Variants in PAPPA2 observed in about 807,000 individuals in gnomAD.
The protein encoded by PAPPA2 is pappalysin 2, also known as pappalysin-2.
In PAPPA2, 86 loss-of-function variants were observed where a neutral mutation model predicts 176.4. The ratio of observed to expected loss-of-function variants is 0.49; its 90% CI spans 0.41 to 0.58. The LOEUF is 0.58. Among genes scored for constraint, PAPPA2 ranks in the 20% least tolerant of loss-of-function variants. The pLI is 0.00. For missense variants in PAPPA2, 2,073 were observed against 2,256.9 expected, an observed-to-expected ratio of 0.92 and a Z score of 1.65; for synonymous variants, 809 against 852.2, an observed-to-expected ratio of 0.95 and a Z score of 0.88.
At chr1:176,803,646 T>C (rs1210374298) in intron 21 of PAPPA2, among the ~76,000 whole-genome samples, 1 of 152,208 alleles carries the variant, frequency 6.6e-6, no homozygotes, top group African/African-American at 2.4e-5. Context: ...ATCTGGACTT[T>C]TGCAGTGATT....
At chr1:176,504,554 G>C (rs1190379606) in intron 1 of PAPPA2, among the ~76,000 whole-genome samples, 1 of 152,188 alleles carries the variant, frequency 6.6e-6, no homozygotes, top group Admixed American at 6.5e-5. Flanking sequence ...ACTGTGTTCA[G>C]GATGGAGTCC....
chr1:176,552,803 C>A (rs1156563217), intron 1 of PAPPA2, among the ~76,000 whole-genome samples: 1 of 152,108 alleles, frequency 6.6e-6, no homozygotes, highest in East Asian at 1.9e-4. Context: ...CAACCCTGCT[C>A]AGTCTGATCG....
chr1:176,740,546 G>A lies in PAPPA2; in HGVS notation c.4151+350G>A, dbSNP rs745915387. Reference sequence around the variant, plus strand: ...AAAAACTCAATGTTCCTTAAGCAATGTATATTTTTCCACTTCTTTCCACCT... The same window carrying A: ...AAAAACTCAATGTTCCTTAAGCAATATATATTTTTCCACTTCTTTCCACCT... On this transcript the variant is annotated intron_variant, in intron 14 of 22. Coordinates refer to ENST00000367662, the MANE Select transcript of PAPPA2 (RefSeq NM_020318.3). Among the ~76,000 whole-genome samples the A allele has an allele frequency of 6.1e-4, 93 of 152,138 alleles. 1 individual carries two copies. The highest frequency in any genetic ancestry group is 2.5e-4 in the Non-Finnish European group (17 of 68,028).
intron 17 of PAPPA2, among the ~76,000 whole-genome samples, chr1:176,780,980 G>A (rs1664686806): frequency 6.6e-6 from 1 of 152,134 alleles, no homozygotes; most frequent in African/African-American, 2.4e-5. Flanking sequence ...ACCTCATGTT[G>A]TTTTTAGTTT....
At chr1:176,469,761 C>T (rs1055184058) in intron 1 of PAPPA2, among the ~76,000 whole-genome samples, 1 of 152,180 alleles carries the variant, frequency 6.6e-6, no homozygotes, top group Non-Finnish European at 1.5e-5. Flanking sequence ...CACCCCTGCT[C>T]CCTCCTTAGG....
intron 4 of PAPPA2, among the ~76,000 whole-genome samples, chr1:176,684,646 A>T (rs1659749187): frequency 6.6e-6 from 1 of 152,150 alleles, no homozygotes; most frequent in African/African-American, 2.4e-5. Flanking sequence ...TTTTGAGTAT[A>T]AAAAATGATA....
chr1:176,639,248 T>C (rs183293179), intron 3 of PAPPA2, among the ~76,000 whole-genome samples: 1 of 151,986 alleles, frequency 6.6e-6, no homozygotes, highest in Admixed American at 6.6e-5. Flanking sequence ...AATACTAGAG[T>C]TAGGATAAAT....
intron 12 of PAPPA2, among the ~76,000 whole-genome samples, chr1:176,715,181 C>T (rs1255428086): frequency 6.6e-6 from 1 of 152,176 alleles, no homozygotes; most frequent in Non-Finnish European, 1.5e-5. Flanking sequence ...ATCTTTAGTA[C>T]CCACTGTTGT....
At chr1:176,504,848 T>C (rs1648166691) in intron 1 of PAPPA2, among the ~76,000 whole-genome samples, 1 of 152,120 alleles carries the variant, frequency 6.6e-6, no homozygotes, top group African/African-American at 2.4e-5. Context: ...ATGTCTCAGA[T>C]GGGTACTACT....
At chr1:176,699,846 T>C (rs530677850) in intron 8 of PAPPA2, among the ~76,000 whole-genome samples, 1 of 152,326 alleles carries the variant, frequency 6.6e-6, no homozygotes, top group African/African-American at 2.4e-5. Context: ...TCAGTTGAAC[T>C]GAACATAATT....
chr1:176,587,276 A>G (rs188650648), intron 2 of PAPPA2, among the ~76,000 whole-genome samples: 152 of 152,280 alleles, frequency 1.0e-3, no homozygotes, highest in African/African-American at 3.4e-3. Flanking sequence ...TTTGCTGTGC[A>G]GAAGCTCTTT....
chr1:176,528,544 A>C (rs957915776), intron 1 of PAPPA2, among the ~76,000 whole-genome samples: 63 of 152,224 alleles, frequency 4.1e-4, no homozygotes, highest in African/African-American at 1.5e-3. Flanking sequence ...TAGGAGGCAT[A>C]GTGGCCCCAA....
rs1571345574 is a variant in PAPPA2, at chr1:176,799,966, A to G, written c.5131-95A>G. 11 of 1,225,916 alleles carry G rather than the reference A, an allele frequency of 9.0e-6. No homozygotes were observed. The East Asian group carries it at 2.6e-4, about 29-fold the overall frequency. 75.9% of individuals were successfully genotyped at this position (1,225,916 alleles called of 1,614,324 possible). ...TAGAAACTAGCTGCTTGAGAAATGG[A>G]GTTGGACTCCTGTGGTGAGCTCAGG... On this transcript the variant is annotated intron_variant, in intron 20 of 22. Transcript: ENST00000367662.
intron 17 of PAPPA2, among the ~76,000 whole-genome samples, chr1:176,785,486 A>C (rs991004890): frequency 6.6e-6 from 1 of 152,158 alleles, no homozygotes; most frequent in Non-Finnish European, 1.5e-5. Context: ...ACAAACCATA[A>C]GGAAAAAGAA....
intron 8 of PAPPA2, 149 bp downstream of exon 8, chr1:176,699,738 GA>G (rs1660561525): frequency 1.5e-6 from 2 of 1,335,342 alleles, no homozygotes; most frequent in South Asian, 3.0e-5. Context: ...TGGCATATCT[GA>G]GGTAAAGAAA....
At chr1:176,707,592 G>C (rs1015403577) in intron 10 of PAPPA2, among the ~76,000 whole-genome samples, 2 of 152,102 alleles carry the variant, frequency 1.3e-5, no homozygotes, top group African/African-American at 4.8e-5. Context: ...CATGAAGAAT[G>C]AACCTTGAAA....
intron 2 of PAPPA2, among the ~76,000 whole-genome samples, chr1:176,581,411 T>C (rs1440447415): frequency 6.6e-6 from 1 of 152,204 alleles, no homozygotes; most frequent in African/African-American, 2.4e-5. Context: ...TCCAGCTTTG[T>C]TCTTTTTGCT....
intron 4 of PAPPA2, among the ~76,000 whole-genome samples, chr1:176,684,462 T>G (rs1393161838): frequency 1.3e-5 from 2 of 152,040 alleles, no homozygotes; most frequent in Non-Finnish European, 2.9e-5. Context: ...GTGCATTTCT[T>G]TTTTCTTCCT....
rs911550083 is a variant in PAPPA2, at chr1:176,624,181, A to G, written c.1991+28586A>G. On this transcript the variant is annotated intron_variant, in intron 3 of 22. Coordinates refer to ENST00000367662, the MANE Select transcript of PAPPA2 (RefSeq NM_020318.3). ...GGTTTTTGTTTGATTCAATGTAAATACATTCAACAATATTTCACTGAAGAC... is the reference window on the plus strand; with the variant it reads ...GGTTTTTGTTTGATTCAATGTAAATGCATTCAACAATATTTCACTGAAGAC... 3.3e-5 allele frequency among the ~76,000 whole-genome samples: 5 copies of G among 152,188 alleles called. No homozygotes were observed. In the East Asian group the frequency reaches 7.7e-4, roughly 23 times the overall value.
Sources: allele counts gnomAD v4.1 joint callset (sites outside exome capture counted in the v4.1 genomes callset), GRCh38; gene constraint gnomAD v4.1.1; transcripts MANE v1.5; gene names NCBI Gene and HGNC (gene_info 2026-07-23, HGNC 2026-07-21).